NHLRC2: variants seen among roughly 807,000 people sequenced by gnomAD.
The protein encoded by NHLRC2 is NHL repeat-containing protein 2.
NHLRC2 carries 33 observed loss-of-function variants against 68.1 expected under a neutral mutation model. The observed-to-expected ratio is 0.48, with a 90% CI of 0.37 to 0.65. The LOEUF (loss-of-function observed/expected upper bound fraction) is 0.65, where lower values mean the gene tolerates loss of function less well. Among genes scored for constraint, NHLRC2 ranks in the 30% least tolerant of loss-of-function variants. NHLRC2 has a pLI of 0.00. For synonymous variants in NHLRC2, 311 were observed against 309.6 expected, an observed-to-expected ratio of 1.00 and a Z score of -0.05; for missense variants, 761 against 853.8, an observed-to-expected ratio of 0.89 and a Z score of 1.35.
intron 2 of NHLRC2, among the ~76,000 whole-genome samples, chr10:113,862,528 C>T (rs1444649440): frequency 1.3e-5 from 2 of 151,226 alleles, no homozygotes; most frequent in Non-Finnish European, 2.9e-5. Flanking sequence ...CAAAAAAGCT[C>T]TAAGGCATGT....
chr10:113,862,168 C>T (rs772599995), intron 2 of NHLRC2, among the ~76,000 whole-genome samples: 17 of 151,980 alleles, frequency 1.1e-4, no homozygotes, highest in East Asian at 1.9e-4. Context: ...CATGAGCCAC[C>T]GAGCCCGGCC....
At chr10:113,893,369 C>T (rs937928683) in intron 5 of NHLRC2, among the ~76,000 whole-genome samples, 4 of 152,066 alleles carry the variant, frequency 2.6e-5, no homozygotes, top group African/African-American at 7.2e-5. Context: ...CTAATGAAGT[C>T]GTTTTCCAAG....
At chr10:113,869,283 T>G (rs1845899983) in intron 2 of NHLRC2, among the ~76,000 whole-genome samples, 1 of 152,176 alleles carries the variant, frequency 6.6e-6, no homozygotes, top group Non-Finnish European at 1.5e-5. Flanking sequence ...GGTTTTTTGC[T>G]TCTATAATTG....
At chr10:113,878,013 T>C (rs540703738) in intron 3 of NHLRC2, among the ~76,000 whole-genome samples, 1 of 152,334 alleles carries the variant, frequency 6.6e-6, no homozygotes, top group Non-Finnish European at 1.5e-5. Flanking sequence ...GAATATTCTT[T>C]GTTAAAAGAG....
intron 10 of NHLRC2, among the ~76,000 whole-genome samples, chr10:113,906,546 A>C (rs931424206): frequency 8.6e-5 from 13 of 151,998 alleles, no homozygotes; most frequent in African/African-American, 3.1e-4. Context: ...AGCCAAAAAA[A>C]AAAAGGCAGC....
intron 5 of NHLRC2, among the ~76,000 whole-genome samples, chr10:113,888,540 T>C (rs75390116): frequency 0.017 from 2,532 of 152,292 alleles, 67 homozygotes; most frequent in African/African-American, 0.056. Context: ...TTATGTATTT[T>C]AAATGGTATC....
Position 113,876,939 on chromosome 10 carries a change from C to T in NHLRC2, c.750C>T (p.Val250=), listed in dbSNP as rs1346313845. 10 of 1,600,804 alleles carry T rather than the reference C, an allele frequency of 6.2e-6. No homozygotes were observed. Among genetic ancestry groups the T allele is most frequent in the Admixed American group, 3.5e-5 (2 of 57,584 alleles). The change falls in exon 3 of 11, where the codon GTC becomes GTT. Residue 250 remains valine (V), a synonymous_variant. Coordinates refer to ENST00000369301, the MANE Select transcript of NHLRC2 (RefSeq NM_198514.4). The part of the protein sequence containing the change: ...IADTGHHRIL[V]VWKNGQIQYS... ...ACACTGGACATCATAGAATTTTGGT[C>T]GTTTGGAAGAATGGACAAATTCAAT...
At chr10:113,897,637 A>C (rs1846188309) in intron 5 of NHLRC2, among the ~76,000 whole-genome samples, 1 of 152,212 alleles carries the variant, frequency 6.6e-6, no homozygotes, top group African/African-American at 2.4e-5. Flanking sequence ...TTGTGGCTCT[A>C]GAATAACTGA....
chr10:113,889,009 T>C lies in NHLRC2; in HGVS notation c.1039+4629T>C, dbSNP rs1286322720. Reference sequence around the variant, plus strand: ...GCCTGGCTAATTTTTGTATTTTTAGTAGAGATGGGGTTTCACCATGTTGGC... The same window carrying C: ...GCCTGGCTAATTTTTGTATTTTTAGCAGAGATGGGGTTTCACCATGTTGGC... On this transcript the variant is annotated intron_variant, in intron 5 of 10. Coordinates refer to ENST00000369301, the MANE Select transcript of NHLRC2 (RefSeq NM_198514.4). 2.6e-5 allele frequency among the ~76,000 whole-genome samples: 4 copies of C among 151,990 alleles called. No homozygotes were observed. The South Asian group carries it at 8.3e-4, about 32-fold the overall frequency.
chr10:113,889,182 A>G (rs965368015), intron 5 of NHLRC2, among the ~76,000 whole-genome samples: 1 of 152,188 alleles, frequency 6.6e-6, no homozygotes, highest in African/African-American at 2.4e-5. Flanking sequence ...TGAGTCATTT[A>G]TAGAAAGGAT....
intron 2 of NHLRC2, among the ~76,000 whole-genome samples, chr10:113,872,831 C>A (rs757937815): frequency 6.7e-6 from 1 of 149,738 alleles, no homozygotes. Context: ...AGAGGAGGTC[C>A]AACATAAGAC....
chr10:113,860,632 C>G (rs1009370124), intron 2 of NHLRC2, among the ~76,000 whole-genome samples: 2 of 151,978 alleles, frequency 1.3e-5, no homozygotes, highest in Admixed American at 6.6e-5. Flanking sequence ...CTTTAAAACA[C>G]TGTCTTAAAG....
Position 113,916,926 on chromosome 10 carries a change from T to G in NHLRC2, c.*8390T>G, listed in dbSNP as rs1037195602. Reference sequence around the variant, plus strand: ...TTGGTGTGCATTTTTAAGTGTTTCATGTAGACAGATTAATATATTTTTGTA... The same window carrying G: ...TTGGTGTGCATTTTTAAGTGTTTCAGGTAGACAGATTAATATATTTTTGTA... On this transcript the variant is annotated 3_prime_UTR_variant, in exon 11 of 11. Transcript: ENST00000369301. The G allele has an allele frequency of 6.6e-6, 1 of 152,238 alleles. No homozygotes were observed. Among genetic ancestry groups the G allele is most frequent in the African/African-American group, 2.4e-5 (1 of 41,474 alleles). The allele number at this position is 152,238 out of a possible 1,614,324, so 9.4% of individuals were successfully genotyped here.
At chr10:113,890,743 A>G (rs1274089160) in intron 5 of NHLRC2, among the ~76,000 whole-genome samples, 1 of 152,098 alleles carries the variant, frequency 6.6e-6, no homozygotes, top group African/African-American at 2.4e-5. Flanking sequence ...AGCTGTGTCT[A>G]GTCAACTGAT....
chr10:113,860,936 A>G (rs1845810665), intron 2 of NHLRC2, among the ~76,000 whole-genome samples: 1 of 152,218 alleles, frequency 6.6e-6, no homozygotes, highest in Non-Finnish European at 1.5e-5. Context: ...TTTTGACTTG[A>G]TGGTGGAAAG....
Position 113,914,977 on chromosome 10 carries a change from A to G in NHLRC2, c.*6441A>G, listed in dbSNP as rs373697341. 1.6e-3 allele frequency: 729 copies of G among 456,288 alleles called. 2 individuals are homozygous for G. Among genetic ancestry groups the G allele is most frequent in the Non-Finnish European group, 2.7e-3 (613 of 226,964 alleles). The allele number at this position is 456,288 out of a possible 1,614,324, so 28.3% of individuals were successfully genotyped here. ...CTCAGGCTTGCAGAAGGCTGCCCCA[A>G]TCACAGAGCCTGGGTAAGGTGGAAC... On this transcript the variant is annotated 3_prime_UTR_variant, in exon 11 of 11. Transcript: ENST00000369301.
chr10:113,898,109 G>C lies in NHLRC2; in HGVS notation c.1040-1G>C. ...AATAATAATGATTTATTTTTATAAA[G>C]GTTCAGAGGTCCAAAGAGGTGACAT... On this transcript the variant is annotated splice_acceptor_variant, in intron 5 of 10. Transcript: ENST00000369301. LOFTEE classifies it high-confidence loss of function. The C allele has an allele frequency of 6.3e-7, 1 of 1,589,502 alleles. No individual in the cohort carries two copies. Among genetic ancestry groups the C allele is most frequent in the South Asian group, 1.1e-5 (1 of 89,970 alleles).
Position 113,892,949 on chromosome 10 carries a change from CATAAT to C in NHLRC2, c.1040-5152_1040-5148del, listed in dbSNP as rs368630182. 2.3e-3 allele frequency among the ~76,000 whole-genome samples: 349 copies of C among 152,202 alleles called. 1 individual carries two copies. The highest frequency in any genetic ancestry group is 7.6e-3 in the African/African-American group (317 of 41,534). ...AGAACAGTGTCTGGTGCATAGAAAG[CATAAT>C]ATAATATACATGTTTGCTATTATCA... On this transcript the variant is annotated intron_variant, in intron 5 of 10. Coordinates refer to ENST00000369301, the MANE Select transcript of NHLRC2 (RefSeq NM_198514.4).
chr10:113,889,039 C>G (rs995725445), intron 5 of NHLRC2, among the ~76,000 whole-genome samples: 2 of 152,070 alleles, frequency 1.3e-5, no homozygotes, highest in Non-Finnish European at 2.9e-5. Flanking sequence ...GTTGGCCAGG[C>G]TGTTCTCTAA....
Sources: allele counts gnomAD v4.1 joint callset (sites outside exome capture counted in the v4.1 genomes callset), GRCh38; gene constraint gnomAD v4.1.1; transcripts MANE v1.5; gene names NCBI Gene and HGNC (gene_info 2026-07-23, HGNC 2026-07-21).